MYRIP: variants seen among roughly 807,000 people sequenced by gnomAD.
The protein encoded by MYRIP is myosin VIIA and Rab interacting protein.
A neutral mutation model predicts 98.0 loss-of-function variants in MYRIP; 49 were observed. The observed-to-expected ratio is 0.50, with a 90% CI of 0.40 to 0.63. The LOEUF is 0.63. Among genes scored for constraint, MYRIP ranks in the 30% least tolerant of loss-of-function variants. MYRIP has a pLI of 0.00. For synonymous variants in MYRIP, 404 were observed against 409.5 expected, an observed-to-expected ratio of 0.99 and a Z score of 0.16; for missense variants, 1,004 against 1,058.2, an observed-to-expected ratio of 0.95 and a Z score of 0.71.
intron 8 of MYRIP, among the ~76,000 whole-genome samples, chr3:40,176,043 A>G (rs7636702): frequency 0.035 from 5,406 of 152,338 alleles, 307 homozygotes; most frequent in African/African-American, 0.12. Flanking sequence ...TGGCCACAAC[A>G]TAAGGACATA....
chr3:39,813,773 C>T (rs950326519), intron 1 of MYRIP, among the ~76,000 whole-genome samples: 1 of 152,218 alleles, frequency 6.6e-6, no homozygotes, highest in African/African-American at 2.4e-5. Context: ...GCAAGAAGGA[C>T]AGTGAAAGAT....
At chr3:40,108,250 G>A (rs1030707541) in intron 3 of MYRIP, among the ~76,000 whole-genome samples, 2 of 151,894 alleles carry the variant, frequency 1.3e-5, no homozygotes, top group African/African-American at 2.4e-5. Context: ...AGTGCAGGAT[G>A]TAGGACTACA....
chr3:40,005,848 T>A (rs187099582), intron 2 of MYRIP, among the ~76,000 whole-genome samples: 50 of 152,328 alleles, frequency 3.3e-4, no homozygotes, highest in South Asian at 2.7e-3. Flanking sequence ...ATGCAAGATA[T>A]ATAATGCATG....
intron 4 of MYRIP, among the ~76,000 whole-genome samples, chr3:40,159,228 G>A (rs1445624060): frequency 5.9e-5 from 9 of 151,516 alleles, no homozygotes; most frequent in South Asian, 2.1e-4. Flanking sequence ...TGTCTGTAAA[G>A]TATTTTATTT....
At chr3:39,855,507 C>T (rs551577872) in intron 1 of MYRIP, among the ~76,000 whole-genome samples, 17 of 152,078 alleles carry the variant, frequency 1.1e-4, no homozygotes, top group African/African-American at 3.9e-4. Context: ...GGGCTTCCTG[C>T]GGCCACTATG....
intron 3 of MYRIP, among the ~76,000 whole-genome samples, chr3:40,117,736 T>A (rs1949313663): frequency 6.6e-6 from 1 of 152,090 alleles, no homozygotes; most frequent in Non-Finnish European, 1.5e-5. Context: ...CTTAGCTCCA[T>A]CTGGAAAAAA....
chr3:40,143,415 C>T (rs1949949595), intron 3 of MYRIP, among the ~76,000 whole-genome samples: 2 of 152,184 alleles, frequency 1.3e-5, no homozygotes, highest in Non-Finnish European at 2.9e-5. Context: ...GGGGTCCTCA[C>T]AGCCCTCTCC....
intron 3 of MYRIP, among the ~76,000 whole-genome samples, chr3:40,113,935 C>T (rs1168017671): frequency 1.3e-5 from 2 of 152,128 alleles, no homozygotes; most frequent in African/African-American, 2.4e-5. Flanking sequence ...ATGACCCGCC[C>T]GCCTTGGCCT....
chr3:39,812,568 T>C (rs1328766670), intron 1 of MYRIP, among the ~76,000 whole-genome samples: 2 of 152,186 alleles, frequency 1.3e-5, no homozygotes, highest in African/African-American at 2.4e-5. Flanking sequence ...ATTAAAGTAA[T>C]GCAAACATGA....
chr3:39,861,078 GCAC>G (rs1198212873), intron 1 of MYRIP, among the ~76,000 whole-genome samples: 1 of 152,214 alleles, frequency 6.6e-6, no homozygotes, highest in Non-Finnish European at 1.5e-5. Flanking sequence ...GCTTTGGCTG[GCAC>G]CACCCATAAG....
intron 13 of MYRIP, 99 bp from the exon 14 acceptor site, chr3:40,250,123 T>C (rs1024168852): frequency 5.2e-6 from 5 of 959,202 alleles, no homozygotes; most frequent in South Asian, 1.5e-5. Flanking sequence ...TGAGCATACA[T>C]CAAAGCAGAT....
At chr3:39,920,604 A>G (rs765047814) in intron 2 of MYRIP, among the ~76,000 whole-genome samples, 18 of 152,070 alleles carry the variant, frequency 1.2e-4, no homozygotes, top group Non-Finnish European at 2.2e-4. Flanking sequence ...TTTTTTTCTG[A>G]TTAAAGAAAC....
At chr3:40,152,986 G>T (rs1189808857) in intron 4 of MYRIP, among the ~76,000 whole-genome samples, 1 of 151,274 alleles carries the variant, frequency 6.6e-6, no homozygotes, top group African/African-American at 2.4e-5. Flanking sequence ...AGATGTGGTG[G>T]CATGCACCTG....
intron 3 of MYRIP, among the ~76,000 whole-genome samples, chr3:40,053,160 T>A (rs575448553): frequency 6.6e-6 from 1 of 152,188 alleles, no homozygotes; most frequent in African/African-American, 2.4e-5. Context: ...CTCTCCTTTA[T>A]CAGCCTAGTG....
intron 3 of MYRIP, among the ~76,000 whole-genome samples, chr3:40,148,063 G>A (rs1454206854): frequency 6.6e-6 from 1 of 152,172 alleles, no homozygotes; most frequent in Non-Finnish European, 1.5e-5. Context: ...GAACATAGAA[G>A]TCTAACTTCA....
chr3:40,145,205 C>T (rs981425748), intron 3 of MYRIP, among the ~76,000 whole-genome samples: 12 of 152,164 alleles, frequency 7.9e-5, no homozygotes, highest in Admixed American at 6.5e-5. Flanking sequence ...CACCCGTACC[C>T]ATGTGCCTAC....
intron 7 of MYRIP, among the ~76,000 whole-genome samples, 184 bp from the exon 8 acceptor site, chr3:40,169,765 GC>G (rs1286829711): frequency 1.3e-5 from 2 of 152,172 alleles, no homozygotes; most frequent in Non-Finnish European, 2.9e-5. Context: ...ACTGTAAAAT[GC>G]TTAGAATGCT....
At chr3:40,221,065 A>AAG (rs1952323223) in intron 11 of MYRIP, among the ~76,000 whole-genome samples, 2 of 148,908 alleles carry the variant, frequency 1.3e-5, no homozygotes, top group African/African-American at 2.5e-5. Flanking sequence ...AAAAAAAAAA[A>AAG]AGAGAAAATG....
intron 3 of MYRIP, among the ~76,000 whole-genome samples, chr3:40,145,410 C>G (rs1949987039): frequency 6.6e-6 from 1 of 152,130 alleles, no homozygotes; most frequent in African/African-American, 2.4e-5. Context: ...TTTCTCCCAC[C>G]ATGAGGAAGA....
Sources: gnomAD v4.1 joint callset for allele counts (sites outside exome capture counted in the v4.1 genomes callset) on GRCh38, gnomAD v4.1.1 for gene constraint, MANE v1.5 for transcripts, NCBI Gene and HGNC (gene_info 2026-07-23, HGNC 2026-07-21) for gene names.